CYP11B1: variants seen among roughly 807,000 people sequenced by gnomAD.
CYP11B1 encodes cytochrome P450 11B1, mitochondrial.
CYP11B1 carries 34 observed loss-of-function variants against 48.3 expected under a neutral mutation model. The observed-to-expected ratio is 0.70, with a 90% CI of 0.54 to 0.94. The LOEUF is 0.94. Ranked by LOEUF, CYP11B1 falls within the 40% of genes least tolerant of loss-of-function variation. The pLI, the probability that CYP11B1 is intolerant of heterozygous loss-of-function variation, is 0.00. For synonymous variants in CYP11B1, 291 were observed against 262.5 expected (o/e 1.11, Z -1.05); for missense variants, 688 against 657.4 (o/e 1.05, Z -0.51).
At chr8:142,876,511 C>A (rs1816956070) in intron 4 of CYP11B1, 116 bp from the exon 5 acceptor site, 1 of 1,542,630 alleles carries the variant, frequency 6.5e-7, no homozygotes, top group Non-Finnish European at 8.8e-7. Context: ...ATCCCAAATT[C>A]TCCGGATCAG....
intron 8 of CYP11B1, 128 bp downstream of exon 8, chr8:142,874,829 C>T: frequency 8.3e-7 from 1 of 1,201,364 alleles, no homozygotes; most frequent in South Asian, 1.3e-5. Flanking sequence ...TCTCCCAGTA[C>T]CGGCTCTGCC....
At chr8:142,876,163 C>T (rs746628473) in intron 5 of CYP11B1, 78 bp downstream of exon 5, 20 of 1,592,660 alleles carry the variant, frequency 1.3e-5, no homozygotes, top group East Asian at 6.7e-5. Flanking sequence ...ACGTGGGCGC[C>T]GTGTGACATT....
In CYP11B1 at chr8:142,873,905, G is replaced by A. The variant is rs114832894; in HGVS notation, c.*468C>T. The A allele has an allele frequency of 4.8e-3, 1,198 of 247,086 alleles. 15 individuals carry two copies. The highest frequency in any genetic ancestry group is 0.025 in the African/African-American group (1,155 of 45,774). 15.3% of individuals were successfully genotyped at this position (247,086 alleles called of 1,614,324 possible). A position where few individuals can be genotyped will look rare whatever the true frequency, so the allele number is the denominator to read the frequency against. On this transcript the variant is annotated 3_prime_UTR_variant, in exon 9 of 9. Transcript: ENST00000292427. ...GCATGCTCGAGCTGCCTAGGGGTCA[G>A]GCTGCAGGAGGGAACTTGACTGGAC...
intron 8 of CYP11B1, 42 bp from the exon 9 acceptor site, chr8:142,874,528 C>G (rs1457863075): frequency 7.2e-7 from 1 of 1,382,108 alleles, no homozygotes; most frequent in Admixed American, 1.7e-5. Flanking sequence ...GGTCCGCAGC[C>G]CATGCACGTG....
rs1254291787 is a variant in CYP11B1 at position 142,875,896 on chromosome 8, G to T, written c.955-18C>A. On this transcript the variant is annotated intron_variant, in intron 5 of 8. Transcript: ENST00000292427. ...AACACCGTCTGCAGGAGACACAGCTGCAGGGTCAGACCTTGCACAGGAGGA... is the reference window on the plus strand; with the variant it reads ...AACACCGTCTGCAGGAGACACAGCTTCAGGGTCAGACCTTGCACAGGAGGA... 6.8e-6 allele frequency: 11 copies of T among 1,613,956 alleles called. No individual in the cohort carries two copies. The highest frequency in any genetic ancestry group is 1.3e-5 in the African/African-American group (1 of 74,924).
intron 8 of CYP11B1, 30 bp from the exon 9 acceptor site, chr8:142,874,516 T>C (rs757794582): frequency 7.3e-6 from 11 of 1,507,560 alleles, no homozygotes; most frequent in African/African-American, 1.4e-5. Flanking sequence ...TCCATCTGGC[T>C]TGGTCCGCAG....
chr8:142,875,792 G>C lies in CYP11B1; in HGVS notation c.1041C>G (p.Ala347=). The C allele has an allele frequency of 6.2e-7, 1 of 1,614,090 alleles. No homozygotes were observed. ...QQALRQESLA[A]AASISEHPQK... is the part of the protein sequence containing the mutation. ...GGGGATGTTCACTGATGCTGGCTGC[G>C]GCGGCCAGGCTCTCCTGGCGCAGGG... The change falls in exon 6 of 9, where the codon GCC becomes GCG. Residue 347 remains alanine, a synonymous_variant. Coordinates refer to ENST00000292427, the MANE Select transcript of CYP11B1 (RefSeq NM_000497.4).
chr8:142,877,064 G>A lies in CYP11B1; in HGVS notation c.554C>T (p.Thr185Ile), dbSNP rs566921201. The A allele has an allele frequency of 3.7e-6, 6 of 1,613,822 alleles. No homozygotes were observed. In the Admixed American group the frequency reaches 8.3e-5, roughly 22 times the overall value. Residue 185 changes from threonine to isoleucine, a missense_variant, in exon 3 of 9, where the codon ACC (threonine) becomes ATC (isoleucine). Transcript: ENST00000292427. Reference protein sequence around the residue: ...KVLQNARGSLTLDVQPSIFHY... With the variant: ...KVLQNARGSLILDVQPSIFHY... ...GAAGATGCTGGGCTGGACGTCCAGGGTCAGGCTCCCCCGGGCGTTCTGCAG... is the reference window on the plus strand; with the variant it reads ...GAAGATGCTGGGCTGGACGTCCAGGATCAGGCTCCCCCGGGCGTTCTGCAG...
rs1816961991 is a variant in CYP11B1, at chr8:142,876,680, AC to A, written c.799+1del. 6.2e-7 allele frequency: 1 copy of A among 1,607,558 alleles called. No homozygotes were observed. Among genetic ancestry groups the A allele is most frequent in the South Asian group, 1.1e-5 (1 of 89,730 alleles). On this transcript the variant is annotated splice_donor_variant, in intron 4 of 8. Coordinates refer to ENST00000292427, the MANE Select transcript of CYP11B1 (RefSeq NM_000497.4). LOFTEE classifies it high-confidence loss of function. ...TAGCACTGCCCGGGTCCCTGGCCTC[AC>A]CGTACTGGAAGATGCAGTCCCAGGC... is the stretch of plus-strand genomic sequence containing the variant.
In CYP11B1 at chr8:142,879,154, C is replaced by T. The variant is rs1817061379; in HGVS notation, c.273G>A (p.Val91=). ...GCTTCTCCACGTCCTCCGGCAGCAT[C>T]ACACACACCATGCCTGCTCCTCCCA... ...YDLGGAGMVC[V]MLPEDVEKLQ... The change falls in exon 2 of 9, where the codon GTG becomes GTA. Residue 91 remains valine (V), a synonymous_variant. Transcript: ENST00000292427. 6.2e-7 allele frequency: 1 copy of T among 1,613,810 alleles called. No individual in the cohort carries two copies. Among genetic ancestry groups the T allele is most frequent in the South Asian group, 1.1e-5 (1 of 91,076 alleles).
Position 142,876,367 on chromosome 8 carries a change from C to G in CYP11B1, c.828G>C (p.Gln276His), listed in dbSNP as rs756992317. The part of the protein sequence containing the change: ...YGDNCIQKIY[Q>H]ELAFSRPQQY... ...GTTGAGGGCGGCTGAAGGCCAGTTC[C>G]TGATAGATTTTCTGGATACAGTTGT... The change falls in exon 5 of 9, where the codon CAG (glutamine) becomes CAC (histidine). Residue 276 changes from glutamine to histidine, a missense_variant. Transcript: ENST00000292427. 3.7e-6 allele frequency: 6 copies of G among 1,614,034 alleles called. No individual in the cohort carries two copies. The African/African-American group carries it at 8.0e-5, about 22-fold the overall frequency.
rs1816833573 is a variant in CYP11B1, at chr8:142,872,769, C to T, written c.*1604G>A. The T allele has an allele frequency of 6.6e-6, 1 of 152,178 alleles. No homozygotes were observed. Among genetic ancestry groups the T allele is most frequent in the Non-Finnish European group, 1.5e-5 (1 of 68,038 alleles). The allele number at this position is 152,178 out of a possible 1,614,324, so 9.4% of individuals were successfully genotyped here. A position where few individuals can be genotyped will look rare whatever the true frequency, so the allele number is the denominator to read the frequency against. ...TGTGTCCGCCTCCAGAATTCATAGG[C>T]TGAAATCTAGTCACCAAGGTGACGA... On this transcript the variant is annotated 3_prime_UTR_variant, in exon 9 of 9. Transcript: ENST00000292427.
Position 142,874,509 on chromosome 8 carries a change from A to C in CYP11B1, c.1399-23T>G, listed in dbSNP as rs143119372. On this transcript the variant is annotated intron_variant, in intron 8 of 8. Transcript: ENST00000292427. ...CACCTAGGACAGAAGCCGGGTTTCC[A>C]TCTGGCTTGGTCCGCAGCCCATGCA... 3,771 of 1,562,258 alleles carry C rather than the reference A, an allele frequency of 2.4e-3. 18 individuals carry two copies. The highest frequency in any genetic ancestry group is 0.01 in the South Asian group (912 of 90,010).
chr8:142,879,162 C>T lies in CYP11B1; in HGVS notation c.265G>A (p.Val89Met). The part of the protein sequence containing the change: ...FRYDLGGAGM[V>M]CVMLPEDVEK... Reference sequence around the variant, plus strand: ...ACGTCCTCCGGCAGCATCACACACACCATGCCTGCTCCTCCCAAGTCGTAC... The same window carrying T: ...ACGTCCTCCGGCAGCATCACACACATCATGCCTGCTCCTCCCAAGTCGTAC... The change falls in exon 2 of 9, where the codon GTG (valine) becomes ATG (methionine). Residue 89 changes from valine (V) to methionine (M), a missense_variant. Val to Met is a conservative substitution (Grantham distance 21, BLOSUM62 1). Transcript: ENST00000292427. 2 of 1,613,946 alleles carry T rather than the reference C, an allele frequency of 1.2e-6. No homozygotes were observed. Among genetic ancestry groups the T allele is most frequent in the Non-Finnish European group, 8.5e-7 (1 of 1,179,866 alleles).
chr8:142,879,115 G>A lies in CYP11B1; in HGVS notation c.312C>T (p.Asp104=). ...PEDVEKLQQV[D]SLHPHRMSLE... is the part of the protein sequence containing the mutation. Reference sequence around the variant, plus strand: ...GGCTCATCCTGTGGGGATGCAGGCTGTCCACCTGTTGCAGCTTCTCCACGT... The same window carrying A: ...GGCTCATCCTGTGGGGATGCAGGCTATCCACCTGTTGCAGCTTCTCCACGT... Residue 104 remains aspartate (D), a synonymous_variant, in exon 2 of 9, where the codon GAC becomes GAT. Transcript: ENST00000292427. 6.2e-7 allele frequency: 1 copy of A among 1,614,188 alleles called. No homozygotes were observed. The highest frequency in any genetic ancestry group is 2.2e-5 in the East Asian group (1 of 44,870).
intron 1 of CYP11B1, 139 bp from the exon 2 acceptor site, chr8:142,879,326 A>G: frequency 6.2e-7 from 1 of 1,605,658 alleles, no homozygotes; most frequent in Non-Finnish European, 8.5e-7. Context: ...CCTCTTGCTG[A>G]CTGCCCGGAA....
rs1233625530 is a variant in CYP11B1, at chr8:142,875,897, C to T, written c.955-19G>A. 1.2e-6 allele frequency: 2 copies of T among 1,613,988 alleles called. No homozygotes were observed. The highest frequency in any genetic ancestry group is 2.2e-5 in the South Asian group (2 of 91,086). On this transcript the variant is annotated intron_variant, in intron 5 of 8. Coordinates refer to ENST00000292427, the MANE Select transcript of CYP11B1 (RefSeq NM_000497.4). ...ACACCGTCTGCAGGAGACACAGCTG[C>T]AGGGTCAGACCTTGCACAGGAGGAC...
At position 142,877,158 on chromosome 8, in the gene CYP11B1, C is replaced by G. The variant is rs1816985348; in HGVS notation, c.460G>C (p.Val154Leu). ...LNPEVLSPNA[V>L]QRFLPMVDAV... ...TCCACCATCGGGAGGAACCTCTGCA[C>G]AGCGTTGGGCGACAGCACTTCTGGA... The change falls in exon 3 of 9, where the codon GTG becomes CTG. Residue 154 changes from valine to leucine, a missense_variant. Coordinates refer to ENST00000292427, the MANE Select transcript of CYP11B1 (RefSeq NM_000497.4). 1.2e-6 allele frequency: 2 copies of G among 1,614,214 alleles called. No homozygotes were observed. Among genetic ancestry groups the G allele is most frequent in the Admixed American group, 3.3e-5 (2 of 60,030 alleles).
chr8:142,874,072 C>G lies in CYP11B1; in HGVS notation c.*301G>C. ...CACCCTTGTATGGCCACACGAGGAG[C>G]CTGGAGCCAGCACTGGGAGGGATGG... On this transcript the variant is annotated 3_prime_UTR_variant, in exon 9 of 9. Transcript: ENST00000292427. The G allele has an allele frequency of 2.1e-6, 1 of 475,758 alleles. No individual in the cohort carries two copies. Among genetic ancestry groups the G allele is most frequent in the African/African-American group, 2.0e-5 (1 of 51,036 alleles). The allele number at this position is 475,758 out of a possible 1,614,324, so 29.5% of individuals were successfully genotyped here. A position where few individuals can be genotyped will look rare whatever the true frequency, so the allele number is the denominator to read the frequency against.
Sources: gnomAD v4.1 joint callset for allele counts on GRCh38, gnomAD v4.1.1 for gene constraint, MANE v1.5 for transcripts, NCBI Gene and HGNC (gene_info 2026-07-23, HGNC 2026-07-21) for gene names.